The following MAD1L1 variants were observed in gnomAD, a reference collection of about 807,000 sequenced individuals.
MAD1L1 encodes the protein mitotic arrest deficient 1 like 1, also known as mitotic spindle assembly checkpoint protein MAD1.
MAD1L1 carries 95 observed loss-of-function variants against 96.9 expected under a neutral mutation model. That is an observed-to-expected ratio of 0.98 (90% CI 0.83 to 1.16). The LOEUF (loss-of-function observed/expected upper bound fraction) is 1.16. Among genes scored for constraint, MAD1L1 ranks in the 50% most tolerant of loss-of-function variants. The probability of loss-of-function intolerance (pLI) is 0.00; values close to 1 mark genes in which losing one functional copy is unlikely to be tolerated. For synonymous variants in MAD1L1, 473 were observed against 396.6 expected (o/e 1.19, Z -2.29); for missense variants, 1,007 against 954.4 (o/e 1.06, Z -0.73).
intron 10 of MAD1L1, among the ~76,000 whole-genome samples, chr7:2,174,000 T>C (rs576577682): frequency 2.0e-5 from 3 of 152,120 alleles, no homozygotes; most frequent in Admixed American, 6.5e-5. Context: ...GTTGGACAGA[T>C]GGGGTCTCAC....
chr7:1,971,723 CT>C (rs1455976267), intron 15 of MAD1L1, among the ~76,000 whole-genome samples: 2 of 152,086 alleles, frequency 1.3e-5, no homozygotes, highest in Non-Finnish European at 2.9e-5. Context: ...ATCAAATAGC[CT>C]TTAAAATGGA....
At position 2,018,706 on chromosome 7, in the gene MAD1L1, C is replaced by T. The variant is rs567111284; in HGVS notation, c.1219-4064G>A. Among the ~76,000 whole-genome samples the T allele has an allele frequency of 3.3e-5, 5 of 152,250 alleles. No individual in the cohort carries two copies. In the South Asian group the frequency reaches 8.3e-4, roughly 25 times the overall value. ...AGAAGCCCAGAAGTAAGCTGAGTAC[C>T]GCGTGCCCCCTCCAATGAAGCAGCA... On this transcript the variant is annotated intron_variant, in intron 12 of 18. Coordinates refer to ENST00000265854, the MANE Select transcript of MAD1L1 (RefSeq NM_001013836.2).
intron 12 of MAD1L1, among the ~76,000 whole-genome samples, chr7:2,045,598 G>A (rs1219166875): frequency 2.0e-5 from 3 of 152,228 alleles, no homozygotes; most frequent in Non-Finnish European, 2.9e-5. Flanking sequence ...CTTTTCTGAA[G>A]CTGTGGATAA....
intron 12 of MAD1L1, among the ~76,000 whole-genome samples, chr7:2,051,156 C>A (rs1784148782): frequency 6.6e-6 from 1 of 152,204 alleles, no homozygotes; most frequent in South Asian, 2.1e-4. Context: ...GGGCCTGGTC[C>A]CTCCAGCCCT....
At chr7:1,892,348 T>C (rs1786599769) in intron 18 of MAD1L1, among the ~76,000 whole-genome samples, 1 of 152,196 alleles carries the variant, frequency 6.6e-6, no homozygotes, top group Admixed American at 6.5e-5. Flanking sequence ...ATCCCTGTCA[T>C]CTGGCAAAGC....
intron 18 of MAD1L1, among the ~76,000 whole-genome samples, chr7:1,859,499 A>C (rs1264312526): frequency 6.6e-6 from 1 of 152,218 alleles, no homozygotes; most frequent in African/African-American, 2.4e-5. Flanking sequence ...GGCGGAGCGC[A>C]TCCCACCTGG....
chr7:2,021,379 AG>A (rs1343881228), intron 12 of MAD1L1, among the ~76,000 whole-genome samples: 1 of 152,164 alleles, frequency 6.6e-6, no homozygotes, highest in African/African-American at 2.4e-5. Context: ...GGCAGCAGAG[AG>A]GGGAGGGAGG....
In MAD1L1 at chr7:2,111,186, G is replaced by A. The variant is rs535196622; in HGVS notation, c.1073+37966C>T. Among the ~76,000 whole-genome samples the A allele has an allele frequency of 4.6e-5, 7 of 152,284 alleles. No homozygotes were observed. In the South Asian group the frequency reaches 8.3e-4, roughly 18 times the overall value. On this transcript the variant is annotated intron_variant, in intron 11 of 18. Transcript: ENST00000265854. ...CACACACCGAGCGTCCACTGTGCCC[G>A]CCCCTCGCTCCCCCCACACCATGCG...
chr7:1,984,519 G>A (rs1338478193), intron 14 of MAD1L1, among the ~76,000 whole-genome samples: 2 of 152,148 alleles, frequency 1.3e-5, no homozygotes, highest in East Asian at 1.9e-4. Flanking sequence ...TGACAATTTC[G>A]CCTTGAATCT....
chr7:2,160,178 C>T (rs1369621356), intron 10 of MAD1L1, among the ~76,000 whole-genome samples: 1 of 151,090 alleles, frequency 6.6e-6, no homozygotes, highest in African/African-American at 2.4e-5. Flanking sequence ...CTACAGTGAG[C>T]TATGATCGCG....
chr7:1,967,401 A>C (rs1780211569), intron 15 of MAD1L1, among the ~76,000 whole-genome samples: 1 of 152,252 alleles, frequency 6.6e-6, no homozygotes, highest in Non-Finnish European at 1.5e-5. Flanking sequence ...GAAAAGACAG[A>C]GATTGCCATG....
intron 10 of MAD1L1, among the ~76,000 whole-genome samples, chr7:2,187,999 G>A (rs1370581658): frequency 1.3e-5 from 2 of 152,094 alleles, no homozygotes; most frequent in Admixed American, 1.3e-4. Context: ...GATTCCTAAC[G>A]TTTAAAGACT....
At chr7:1,969,653 A>C (rs1780320303) in intron 15 of MAD1L1, among the ~76,000 whole-genome samples, 1 of 152,250 alleles carries the variant, frequency 6.6e-6, no homozygotes, top group African/African-American at 2.4e-5. Context: ...CTAGTCAATA[A>C]ACAAAATCAG....
intron 18 of MAD1L1, chr7:1,838,498 A>T (rs1197357791): frequency 3.1e-6 from 1 of 320,642 alleles, no homozygotes; most frequent in African/African-American, 2.2e-5. Context: ...ATGATTCATC[A>T]GTAACAAATG....
chr7:1,900,333 G>A (rs1787168310), intron 17 of MAD1L1, among the ~76,000 whole-genome samples: 1 of 152,222 alleles, frequency 6.6e-6, no homozygotes, highest in African/African-American at 2.4e-5. Context: ...AGGATATGGG[G>A]CCTGTACAAC....
Position 2,142,344 on chromosome 7 carries a change from G to C in MAD1L1, c.1073+6808C>G, listed in dbSNP as rs1362374837. On this transcript the variant is annotated intron_variant, in intron 11 of 18. Transcript: ENST00000265854. The surrounding 1 kb of genome is among the most constrained non-coding windows in gnomAD (Gnocchi z 4.7). ...AGGAGCCTCAAAAGGCTGTCCCCTG[G>C]TGCAGGGCTGGGTTGGGGGCTGAGG... Among the ~76,000 whole-genome samples, 1 of 152,232 alleles carries C rather than the reference G, an allele frequency of 6.6e-6. No individual in the cohort carries two copies. Among genetic ancestry groups the C allele is most frequent in the Non-Finnish European group, 1.5e-5 (1 of 68,038 alleles).
chr7:1,955,031 C>G (rs1390427416), intron 16 of MAD1L1, among the ~76,000 whole-genome samples: 1 of 152,242 alleles, frequency 6.6e-6, no homozygotes, highest in Non-Finnish European at 1.5e-5. Flanking sequence ...CCTCCCAGGC[C>G]TGGTCTCCTG....
intron 16 of MAD1L1, among the ~76,000 whole-genome samples, chr7:1,949,842 C>A (rs920282096): frequency 6.6e-6 from 1 of 152,224 alleles, no homozygotes; most frequent in African/African-American, 2.4e-5. Context: ...AGGGCCACGG[C>A]CCTTGCTTCC....
At chr7:1,893,508 G>A (rs186608450) in intron 18 of MAD1L1, among the ~76,000 whole-genome samples, 16 of 152,172 alleles carry the variant, frequency 1.1e-4, no homozygotes, top group Non-Finnish European at 1.8e-4. Context: ...AGGAGCACGG[G>A]AGCCACGTAT....
Sources: allele counts gnomAD v4.1 joint callset (sites outside exome capture counted in the v4.1 genomes callset), GRCh38; gene constraint gnomAD v4.1.1; non-coding constraint Gnocchi (gnomAD v3.1); transcripts MANE v1.5; gene names NCBI Gene and HGNC (gene_info 2026-07-23, HGNC 2026-07-21).